ZNF583: variants seen among roughly 807,000 people sequenced by gnomAD.
The protein encoded by ZNF583 is zinc finger protein L3-5.
ZNF583 carries 30 observed loss-of-function variants against 55.3 expected under a neutral mutation model. The observed-to-expected ratio is 0.54, with a 90% CI of 0.41 to 0.74. The LOEUF (loss-of-function observed/expected upper bound fraction) is 0.74. Among genes scored for constraint, ZNF583 ranks in the 30% least tolerant of loss-of-function variants. The pLI, the probability that ZNF583 is intolerant of heterozygous loss-of-function variation, is 0.00. For synonymous variants in ZNF583, 208 were observed against 220.0 expected (o/e 0.95, Z 0.48); for missense variants, 504 against 664.7 (o/e 0.76, Z 2.66).
At chr19:56,413,615 T>G (rs1216264529) in intron 2 of ZNF583, among the ~76,000 whole-genome samples, 1 of 152,182 alleles carries the variant, frequency 6.6e-6, no homozygotes, top group Non-Finnish European at 1.5e-5. Flanking sequence ...GTATCTGATT[T>G]TCCAATATTG....
chr19:56,410,562 C>T (rs931830571), intron 2 of ZNF583, among the ~76,000 whole-genome samples: 5 of 151,912 alleles, frequency 3.3e-5, no homozygotes, highest in African/African-American at 1.2e-4. Context: ...ATTAGCTGAG[C>T]GTGGTGGTGG....
Position 56,423,895 on chromosome 19 carries a change from T to C in ZNF583, c.1237T>C (p.Cys413Arg). The C allele has an allele frequency of 6.2e-7, 1 of 1,614,018 alleles. No homozygotes were observed. Among genetic ancestry groups the C allele is most frequent in the South Asian group, 1.1e-5 (1 of 91,082 alleles). The change falls in exon 5 of 5, where the codon TGT becomes CGT. Residue 413 changes from cysteine to arginine, a missense_variant. Physicochemically the swap from Cys to Arg is radical, Grantham distance 180. Around this residue, in one of 3 missense-constraint regions of ZNF583, gnomAD observed 237 missense variants for 373.0 expected, o/e 0.64. Coordinates refer to ENST00000333201, the MANE Select transcript of ZNF583 (RefSeq NM_152478.3). ...AGAAAAACCTTATGAATGTAAAGTATGTAGGAAAGCCTTCAGCCAAATTGC... is the reference window on the plus strand; with the variant it reads ...AGAAAAACCTTATGAATGTAAAGTACGTAGGAAAGCCTTCAGCCAAATTGC... ...TGEKPYECKVCRKAFSQIAYL... is the reference protein window; with the variant it reads ...TGEKPYECKVRRKAFSQIAYL...
Position 56,404,670 on chromosome 19 carries a change from T to C in ZNF583, c.-90+218T>C, listed in dbSNP as rs540053732. 6.6e-6 allele frequency among the ~76,000 whole-genome samples: 1 copy of C among 152,142 alleles called. No individual in the cohort carries two copies. The highest frequency in any genetic ancestry group is 1.9e-4 in the East Asian group (1 of 5,158). On this transcript the variant is annotated intron_variant, in intron 1 of 4. Coordinates refer to ENST00000333201, the MANE Select transcript of ZNF583 (RefSeq NM_152478.3). The surrounding 1 kb of genome is among the most constrained non-coding windows in gnomAD (Gnocchi z 5.2). ...GTGAGGCCGTGTGTGAATATGTGTGTCAGTGTGAGACCATGTGGGACAAAT... is the reference window on the plus strand; with the variant it reads ...GTGAGGCCGTGTGTGAATATGTGTGCCAGTGTGAGACCATGTGGGACAAAT...
chr19:56,423,533 G>A lies in ZNF583; in HGVS notation c.875G>A (p.Gly292Glu), dbSNP rs779173089. 6.2e-7 allele frequency: 1 copy of A among 1,613,910 alleles called. No individual in the cohort carries two copies. Among genetic ancestry groups the A allele is most frequent in the Non-Finnish European group, 8.5e-7 (1 of 1,179,940 alleles). ...HLAQHQRVHT[G>E]EKPYQCKECK... The stretch of plus-strand genomic sequence containing the variant: ...GCCCAACATCAGAGAGTTCATACTG[G>A]AGAGAAACCTTATCAGTGTAAAGAA... The change falls in exon 5 of 5, where the codon GGA becomes GAA. Residue 292 changes from glycine (G) to glutamate (E), a missense_variant. Physicochemically the swap from Gly to Glu is moderately conservative, Grantham distance 98. This residue lies in a region of ZNF583 where 237 missense variants were observed against 373.0 expected (regional missense o/e 0.64). Transcript: ENST00000333201.
rs2042123645 is a variant in ZNF583, at chr19:56,404,999, G to A, written c.-90+547G>A. ...GTGTGTGACTTTGTGAACAGAGCTT[G>A]ACCGTGTGTGTAGGATTAGATGAGA... On this transcript the variant is annotated intron_variant, in intron 1 of 4. Transcript: ENST00000333201. This position sits in a 1 kb window ranked among gnomAD's most constrained non-coding sequence, Gnocchi z 5.2. Among the ~76,000 whole-genome samples, 1 of 152,070 alleles carries A rather than the reference G, an allele frequency of 6.6e-6. No homozygotes were observed. The highest frequency in any genetic ancestry group is 1.5e-5 in the Non-Finnish European group (1 of 68,008).
chr19:56,407,180 C>T (rs369764560), intron 2 of ZNF583, 57 bp downstream of exon 2: 205 of 1,601,444 alleles, frequency 1.3e-4, no homozygotes, highest in Non-Finnish European at 1.7e-4. Flanking sequence ...TTAGGTTATA[C>T]GAACATTTTG....
At position 56,423,781 on chromosome 19, in the gene ZNF583, A is replaced by C; in HGVS notation, c.1123A>C (p.Thr375Pro). 6.2e-7 allele frequency: 1 copy of C among 1,613,630 alleles called. No individual in the cohort carries two copies. The highest frequency in any genetic ancestry group is 8.5e-7 in the Non-Finnish European group (1 of 1,179,904). ...GYLIVHQRIH[T>P]GERPYECKEC... is the part of the protein sequence containing the mutation. Reference sequence around the variant, plus strand: ...CCTAATTGTACATCAGAGAATTCATACTGGAGAGAGACCCTACGAATGTAA... The same window carrying C: ...CCTAATTGTACATCAGAGAATTCATCCTGGAGAGAGACCCTACGAATGTAA... Residue 375 changes from threonine to proline, a missense_variant, in exon 5 of 5, where the codon ACT becomes CCT. By Grantham distance (38) the Thr-to-Pro change is conservative. Coordinates refer to ENST00000333201, the MANE Select transcript of ZNF583 (RefSeq NM_152478.3).
chr19:56,418,047 G>A (rs376899778), intron 4 of ZNF583, among the ~76,000 whole-genome samples: 18 of 152,160 alleles, frequency 1.2e-4, no homozygotes, highest in African/African-American at 4.3e-4. Context: ...CTTGATTACT[G>A]TAGCTTTGTA....
chr19:56,419,567 T>G (rs2042382855), intron 4 of ZNF583, among the ~76,000 whole-genome samples: 1 of 152,234 alleles, frequency 6.6e-6, no homozygotes, highest in African/African-American at 2.4e-5. Context: ...GAAAACAAGT[T>G]GGAAAGTGTT....
chr19:56,406,292 A>G (rs2042146485), intron 1 of ZNF583, among the ~76,000 whole-genome samples: 1 of 152,162 alleles, frequency 6.6e-6, no homozygotes, highest in South Asian at 2.1e-4. Context: ...CCTTGCAGAA[A>G]GGGTGGGAAC....
At chr19:56,416,315 A>G (rs2042320769) in intron 4 of ZNF583, among the ~76,000 whole-genome samples, 1 of 138,242 alleles carries the variant, frequency 7.2e-6, no homozygotes, top group Non-Finnish European at 1.5e-5. Flanking sequence ...ACAGAGTGAG[A>G]CTCCGTCTCA....
Position 56,423,376 on chromosome 19 carries a change from T to A in ZNF583, c.718T>A (p.Tyr240Asn). The A allele has an allele frequency of 2.5e-6, 4 of 1,614,108 alleles. No homozygotes were observed. Among genetic ancestry groups the A allele is most frequent in the Non-Finnish European group, 3.4e-6 (4 of 1,179,992 alleles). The change falls in exon 5 of 5, where the codon TAT becomes AAT. Residue 240 changes from tyrosine (Y) to asparagine (N), a missense_variant. Tyr to Asn is a moderately radical substitution (Grantham distance 143). This residue lies in a region of ZNF583 where 237 missense variants were observed against 373.0 expected (regional missense o/e 0.64). Transcript: ENST00000333201. ...HQRIHTGEKP[Y>N]ACVECGKTFS... ...GAGAATTCATACTGGAGAGAAACCC[T>A]ATGCATGTGTTGAATGTGGGAAAAC...
chr19:56,422,546 C>T (rs1262427523), intron 4 of ZNF583, among the ~76,000 whole-genome samples: 1 of 152,054 alleles, frequency 6.6e-6, no homozygotes, highest in Non-Finnish European at 1.5e-5. Context: ...ATATTAACAT[C>T]ATAAAACTGG....
intron 2 of ZNF583, among the ~76,000 whole-genome samples, 199 bp downstream of exon 2, chr19:56,407,322 A>G (rs1311631571): frequency 6.6e-6 from 1 of 152,128 alleles, no homozygotes. Flanking sequence ...TTTTATCTTC[A>G]CTCAAGAAAT....
At chr19:56,407,472 T>C (rs2042173035) in intron 2 of ZNF583, among the ~76,000 whole-genome samples, 1 of 152,214 alleles carries the variant, frequency 6.6e-6, no homozygotes, top group African/African-American at 2.4e-5. Context: ...CTAGCATAAA[T>C]AAAGCTTTTC....
rs1034940248 is a variant in ZNF583 at position 56,407,044 on chromosome 19, C to T, written c.-71C>T. The stretch of plus-strand genomic sequence containing the variant: ...TCTCCAGCTCGACTTTCTCAGGATA[C>T]TGTCCCTCTCCCACAGAGGAGCTGA... On this transcript the variant is annotated 5_prime_UTR_variant, in exon 2 of 5. Coordinates refer to ENST00000333201, the MANE Select transcript of ZNF583 (RefSeq NM_152478.3). 1.9e-6 allele frequency: 3 copies of T among 1,583,636 alleles called. No homozygotes were observed. Among genetic ancestry groups the T allele is most frequent in the South Asian group, 2.2e-5 (2 of 89,094 alleles).
rs2147621306 is a variant in ZNF583, at chr19:56,425,037, TGA to T, written c.*674_*675del. ...AAAAAGAGATGCAGCAGCTCAGGACTGAGAGATTGTGAAGTTTTTTTTTTTTT... is the reference window on the plus strand; with the variant it reads ...AAAAAGAGATGCAGCAGCTCAGGACTGAGATTGTGAAGTTTTTTTTTTTTT... On this transcript the variant is annotated 3_prime_UTR_variant, in exon 5 of 5. Transcript: ENST00000333201. The T allele has an allele frequency of 6.6e-6, 1 of 151,688 alleles. No homozygotes were observed. Among genetic ancestry groups the T allele is most frequent in the East Asian group, 1.9e-4 (1 of 5,164 alleles). 9.4% of individuals were successfully genotyped at this position (151,688 alleles called of 1,614,324 possible).
intron 4 of ZNF583, among the ~76,000 whole-genome samples, chr19:56,416,568 A>G (rs1271722433): frequency 6.6e-6 from 1 of 150,974 alleles, no homozygotes; most frequent in Non-Finnish European, 1.5e-5. Flanking sequence ...TTATTTAGTA[A>G]TGAGATTATT....
chr19:56,406,712 A>G (rs2042156610), intron 1 of ZNF583, among the ~76,000 whole-genome samples: 1 of 151,890 alleles, frequency 6.6e-6, no homozygotes, highest in Non-Finnish European at 1.5e-5. Flanking sequence ...ATTTTTTAGT[A>G]GAGACGGGGT....
Sources: allele counts gnomAD v4.1 joint callset (sites outside exome capture counted in the v4.1 genomes callset), GRCh38; gene constraint gnomAD v4.1.1; regional missense constraint gnomAD v4.1.1; non-coding constraint Gnocchi (gnomAD v3.1); transcripts MANE v1.5; gene names NCBI Gene and HGNC (gene_info 2026-07-23, HGNC 2026-07-21).